Variants in OSBPL2 observed in about 807,000 individuals in gnomAD.
OSBPL2 encodes oxysterol binding protein like 2.
In OSBPL2, 18 loss-of-function variants were observed where a neutral mutation model predicts 58.4. The ratio of observed to expected loss-of-function variants is 0.31; its 90% CI spans 0.21 to 0.46. The LOEUF (loss-of-function observed/expected upper bound fraction) is 0.46. OSBPL2 is among the 20% of genes least tolerant of loss of function. OSBPL2 has a pLI of 1.00. For synonymous variants in OSBPL2, 221 were observed against 234.1 expected, an observed-to-expected ratio of 0.94 and a Z score of 0.51; for missense variants, 461 against 616.5, an observed-to-expected ratio of 0.75 and a Z score of 2.67.
At chr20:62,291,644 G>A in intron 12 of OSBPL2, 59 bp from the exon 13 acceptor site, 2 of 1,367,480 alleles carry the variant, frequency 1.5e-6, no homozygotes, top group Non-Finnish European at 2.1e-6. Context: ...GTGCATAGGG[G>A]GTGGCGGGGT....
At chr20:62,250,334 C>T (rs906173511) in intron 1 of OSBPL2, among the ~76,000 whole-genome samples, 2 of 152,144 alleles carry the variant, frequency 1.3e-5, no homozygotes, top group African/African-American at 2.4e-5. Context: ...CCTTCAGGAG[C>T]GACCGGGAGG....
chr20:62,253,105 G>T (rs1226269009), intron 1 of OSBPL2, among the ~76,000 whole-genome samples: 2 of 152,260 alleles, frequency 1.3e-5, no homozygotes, highest in African/African-American at 4.8e-5. Context: ...CTCTCCCCGG[G>T]AGGCACCCAA....
At chr20:62,239,720 A>G (rs1979593336) in intron 1 of OSBPL2, among the ~76,000 whole-genome samples, 1 of 152,228 alleles carries the variant, frequency 6.6e-6, no homozygotes, top group African/African-American at 2.4e-5. Context: ...TGCAGGGGCC[A>G]CATGCTGGGA....
At chr20:62,247,668 TC>T (rs1980218283) in intron 1 of OSBPL2, among the ~76,000 whole-genome samples, 2 of 150,712 alleles carry the variant, frequency 1.3e-5, no homozygotes, top group East Asian at 3.9e-4. Context: ...TTTCTTTCTT[TC>T]TTTTTTTTTT....
rs1183648189 is a variant in OSBPL2, at chr20:62,281,301, G to T, written c.782+136G>T. On this transcript the variant is annotated intron_variant, in intron 8 of 13. Coordinates refer to ENST00000313733, the MANE Select transcript of OSBPL2 (RefSeq NM_144498.4). ...TGCTGCCGTGTCCCCGCCAGCCCAGGCATAGCAGCTGCCTAGACTTGACTC... is the reference window on the plus strand; with the variant it reads ...TGCTGCCGTGTCCCCGCCAGCCCAGTCATAGCAGCTGCCTAGACTTGACTC... 6 of 635,410 alleles carry T rather than the reference G, an allele frequency of 9.4e-6. No homozygotes were observed. The Admixed American group carries it at 1.5e-4, about 16-fold the overall frequency. The allele number at this position is 635,410 out of a possible 1,614,324, so 39.4% of individuals were successfully genotyped here. A position where few individuals can be genotyped will look rare whatever the true frequency, so the allele number is the denominator to read the frequency against.
In OSBPL2 at chr20:62,243,183, A is replaced by G. The variant is rs1046731045; in HGVS notation, c.-129+4586A>G. 2.0e-5 allele frequency among the ~76,000 whole-genome samples: 3 copies of G among 152,330 alleles called. No homozygotes were observed. The East Asian group carries it at 5.8e-4, about 29-fold the overall frequency. On this transcript the variant is annotated intron_variant, in intron 1 of 13. Transcript: ENST00000313733. ...GCACAGGGCGTGGGGCTACCCTCTT[A>G]CTGTGAAAGAGGACACGGGCTGCGT...
rs1343131992 is a variant in OSBPL2 at position 62,289,964 on chromosome 20, GTTA to G, written c.1249+641_1249+643del. Among the ~76,000 whole-genome samples, 5 of 152,164 alleles carry G rather than the reference GTTA, an allele frequency of 3.3e-5. No homozygotes were observed. In the South Asian group the frequency reaches 1.0e-3, roughly 32 times the overall value. On this transcript the variant is annotated intron_variant, in intron 12 of 13. Coordinates refer to ENST00000313733, the MANE Select transcript of OSBPL2 (RefSeq NM_144498.4). ...AAAACAAAGTACAAGTTCCTAATTT[GTTA>G]TTATTAAATTAAACAAAAGTTAAGA...
intron 1 of OSBPL2, among the ~76,000 whole-genome samples, chr20:62,254,247 A>G (rs1036558806): frequency 6.6e-6 from 1 of 152,214 alleles, no homozygotes; most frequent in Non-Finnish European, 1.5e-5. Context: ...GGAGGGACGC[A>G]CATTCCAACT....
intron 1 of OSBPL2, among the ~76,000 whole-genome samples, chr20:62,254,430 G>C (rs1057450644): frequency 6.6e-6 from 1 of 152,264 alleles, no homozygotes; most frequent in Non-Finnish European, 1.5e-5. Context: ...AACTTCTCCC[G>C]TCTGCAAGGG....
intron 12 of OSBPL2, chr20:62,291,233 C>CTTTGTAACTTCTCATGT (rs1983490088): frequency 4.3e-6 from 1 of 233,784 alleles, no homozygotes; most frequent in South Asian, 5.1e-5. Context: ...ACTTCTCATG[C>CTTTGTAACTTCTCATGT]TTTGTATTCA....
At chr20:62,259,312 C>T (rs1432131554) in intron 2 of OSBPL2, 2 of 152,304 alleles carry the variant, frequency 1.3e-5, no homozygotes, top group African/African-American at 2.4e-5. Flanking sequence ...GAAGGGCCCA[C>T]CCCACCAGGG....
At position 62,280,560 on chromosome 20, in the gene OSBPL2, T is replaced by G. The variant is rs567992640; in HGVS notation, c.675-498T>G. On this transcript the variant is annotated intron_variant, in intron 7 of 13. Transcript: ENST00000313733. ...CACGTAGCACCTTAGAACATAGGGC[T>G]GCTGATCTGCTGCCTCACATTGGTG... Among the ~76,000 whole-genome samples the G allele has an allele frequency of 1.6e-4, 25 of 152,374 alleles. No homozygotes were observed. In the Middle Eastern group the frequency reaches 0.017, roughly 104 times the overall value.
rs1982191432 is a variant in OSBPL2, at chr20:62,273,390, A to G, written c.475A>G (p.Thr159Ala). 1 of 1,601,112 alleles carries G rather than the reference A, an allele frequency of 6.2e-7. No individual in the cohort carries two copies. Among genetic ancestry groups the G allele is most frequent in the African/African-American group, 1.3e-5 (1 of 74,078 alleles). The change falls in exon 6 of 14, where the codon ACG (threonine) becomes GCG (alanine). Residue 159 changes from threonine to alanine, a missense_variant. By Grantham distance (58) the Thr-to-Ala change is moderately conservative. Around this residue, in one of 5 missense-constraint regions of OSBPL2, gnomAD observed 319 missense variants for 419.2 expected, o/e 0.76. Coordinates refer to ENST00000313733, the MANE Select transcript of OSBPL2 (RefSeq NM_144498.4). ...ACCATTTAATCCACTCTTGGGAGAA[A>G]CGTATGAATTAATCAGGTAAGGGGG... ...GKPFNPLLGE[T>A]YELIREDLGF...
chr20:62,253,040 G>A (rs1980669967), intron 1 of OSBPL2, among the ~76,000 whole-genome samples: 1 of 152,382 alleles, frequency 6.6e-6, no homozygotes, highest in Middle Eastern at 3.4e-3. Flanking sequence ...CTAGAAACTG[G>A]ACAAACCTGG....
intron 3 of OSBPL2, 22 bp from the exon 4 acceptor site, chr20:62,263,594 G>T (rs780136283): frequency 1.0e-5 from 16 of 1,605,802 alleles, no homozygotes; most frequent in Non-Finnish European, 1.4e-5. Context: ...TCACCCACAC[G>T]CACCCCTTTT....
chr20:62,257,989 A>G (rs1403226629), intron 2 of OSBPL2, among the ~76,000 whole-genome samples: 3 of 152,182 alleles, frequency 2.0e-5, no homozygotes, highest in African/African-American at 7.2e-5. Flanking sequence ...TGCTGGGATT[A>G]CAGGTGTCAG....
chr20:62,260,035 C>T lies in OSBPL2; in HGVS notation c.92C>T (p.Thr31Met), dbSNP rs73143091. The change falls in exon 3 of 14, where the codon ACG becomes ATG. Residue 31 changes from threonine (T) to methionine (M), a missense_variant. Coordinates refer to ENST00000313733, the MANE Select transcript of OSBPL2 (RefSeq NM_144498.4). ...TTTTCAGAGGCAAATCAGAAAGTCA[C>T]GGGAATGATTGACTTAGACACCAGC... is the stretch of plus-strand genomic sequence containing the variant. ...GEFSEANQKVTGMIDLDTSKN... is the reference protein window; with the variant it reads ...GEFSEANQKVMGMIDLDTSKN... The T allele has an allele frequency of 1.2e-5, 20 of 1,613,170 alleles. No homozygotes were observed. Among genetic ancestry groups the T allele is most frequent in the African/African-American group, 2.7e-5 (2 of 74,986 alleles).
chr20:62,250,024 G>C (rs1037537369), intron 1 of OSBPL2, among the ~76,000 whole-genome samples: 4 of 152,214 alleles, frequency 2.6e-5, no homozygotes, highest in African/African-American at 9.7e-5. Context: ...TGCCCCCAAG[G>C]CTCACTCTGA....
rs545764637 is a variant in OSBPL2, at chr20:62,275,593, G to A, written c.491+2187G>A. Among the ~76,000 whole-genome samples the A allele has an allele frequency of 5.9e-5, 9 of 152,144 alleles. No individual in the cohort carries two copies. In the East Asian group the frequency reaches 1.5e-3, roughly 26 times the overall value. ...CTCCCAAGTAGCTGGAACTACAGGC[G>A]TGCGCCACCATGCCCAGCTAATTTT... On this transcript the variant is annotated intron_variant, in intron 6 of 13. Coordinates refer to ENST00000313733, the MANE Select transcript of OSBPL2 (RefSeq NM_144498.4).
Sources: allele counts gnomAD v4.1 joint callset (sites outside exome capture counted in the v4.1 genomes callset), GRCh38; gene constraint gnomAD v4.1.1; regional missense constraint gnomAD v4.1.1; transcripts MANE v1.5; gene names NCBI Gene and HGNC (gene_info 2026-07-23, HGNC 2026-07-21).